USP32: variants seen among roughly 807,000 people sequenced by gnomAD.
USP32 encodes the protein ubiquitin specific peptidase 32, also known as ubiquitin carboxyl-terminal hydrolase 32.
Under a neutral mutation model 204.8 loss-of-function variants are expected in USP32, and 59 were observed. The observed-to-expected ratio is 0.29, with a 90% CI of 0.23 to 0.36. USP32 has a LOEUF of 0.36. Ranked by LOEUF, USP32 falls within the 10% of genes least tolerant of loss-of-function variation. The pLI, the probability that USP32 is intolerant of heterozygous loss-of-function variation, is 1.00. For synonymous variants in USP32, 517 were observed against 678.4 expected (o/e 0.76, Z 3.70); for missense variants, 1,160 against 1,946.4 (o/e 0.60, Z 7.60).
At chr17:60,269,741 G>T (rs1414894851) in intron 6 of USP32, among the ~76,000 whole-genome samples, 184 bp from the exon 7 acceptor site, 1 of 152,080 alleles carries the variant, frequency 6.6e-6, no homozygotes, top group African/African-American at 2.4e-5. Context: ...ATTGAAACTT[G>T]TGATCATGGC....
chr17:60,319,112 G>T (rs940900054), intron 2 of USP32, among the ~76,000 whole-genome samples: 3 of 152,200 alleles, frequency 2.0e-5, no homozygotes, highest in Non-Finnish European at 4.4e-5. Context: ...AGCATTAATG[G>T]TTAATGAGCC....
chr17:60,211,857 T>G (rs984058030), intron 19 of USP32, among the ~76,000 whole-genome samples, 167 bp downstream of exon 19: 2 of 151,868 alleles, frequency 1.3e-5, no homozygotes, highest in East Asian at 1.9e-4. Context: ...AATTTGATGG[T>G]GGGTTTGCCA....
Position 60,226,100 on chromosome 17 carries a change from T to C in USP32, c.1371A>G (p.Thr457=), listed in dbSNP as rs754659910. ...IGSSLSYVNT[T]EEKFSDNIST... is the part of the protein sequence containing the mutation. ...AAATGTTGTCTGAAAATTTCTCTTC[T>C]GTAGTATTCACGTAACTGAGGCTGC... is the stretch of plus-strand genomic sequence containing the variant. The change falls in exon 13 of 34, where the codon ACA becomes ACG. Residue 457 remains threonine (T), a synonymous_variant. Transcript: ENST00000300896. 1.9e-6 allele frequency: 3 copies of C among 1,607,756 alleles called. No homozygotes were observed. The highest frequency in any genetic ancestry group is 4.5e-5 in the East Asian group (2 of 44,546).
intron 2 of USP32, among the ~76,000 whole-genome samples, chr17:60,307,672 T>C (rs1299545291): frequency 6.6e-6 from 1 of 151,868 alleles, no homozygotes; most frequent in Non-Finnish European, 1.5e-5. Context: ...AAGTGCTGGG[T>C]AGAGAAAGGC....
chr17:60,391,918 T>C lies in USP32; in HGVS notation c.22A>G (p.Ile8Val). 1 of 1,611,190 alleles carries C rather than the reference T, an allele frequency of 6.2e-7. No homozygotes were observed. The highest frequency in any genetic ancestry group is 8.5e-7 in the Non-Finnish European group (1 of 1,178,836). The change falls in exon 1 of 34, where the codon ATC becomes GTC. Residue 8 changes from isoleucine (I) to valine (V), a missense_variant. By Grantham distance (29) the Ile-to-Val change is conservative (BLOSUM62 3). Transcript: ENST00000300896. Reference sequence around the variant, plus strand: ...GCCTCCTCGTAGCTGAGGAATCCGATCCGTGACTCCTTGGCACCCATGCTC... The same window carrying C: ...GCCTCCTCGTAGCTGAGGAATCCGACCCGTGACTCCTTGGCACCCATGCTC... MGAKESR[I>V]GFLSYEEALR... is the part of the protein sequence containing the mutation.
chr17:60,270,908 CT>C (rs2086709425), intron 6 of USP32, among the ~76,000 whole-genome samples: 1 of 151,472 alleles, frequency 6.6e-6, no homozygotes, highest in Non-Finnish European at 1.5e-5. Flanking sequence ...GTTTCTTCAT[CT>C]TTTTTTGGAG....
chr17:60,249,735 T>C (rs1371363596), intron 11 of USP32: 2 of 701,620 alleles, frequency 2.9e-6, no homozygotes, highest in East Asian at 2.7e-5. Context: ...TTGTATATAT[T>C]TGGTCAGTTT....
At position 60,183,285 on chromosome 17, in the gene USP32, G is replaced by T; in HGVS notation, c.4003C>A (p.Pro1335Thr). ...TTCACCTCCCTTGCCAGAATCCTGG[G>T]CTCAGAGAGCTCATCCCCCTGGGGT... ...LTPQGDELSE[P>T]RILAREVKKV... is the part of the protein sequence containing the mutation. Residue 1335 changes from proline (P) to threonine (T), a missense_variant, in exon 31 of 34, where the codon CCC becomes ACC. This residue lies in a region of USP32 where 244 missense variants were observed against 342.3 expected (regional missense o/e 0.71). Coordinates refer to ENST00000300896, the MANE Select transcript of USP32 (RefSeq NM_032582.4). 6.2e-7 allele frequency: 1 copy of T among 1,613,962 alleles called. No homozygotes were observed. The highest frequency in any genetic ancestry group is 8.5e-7 in the Non-Finnish European group (1 of 1,179,870).
intron 26 of USP32, among the ~76,000 whole-genome samples, chr17:60,199,885 T>C (rs2084629404): frequency 6.6e-6 from 1 of 152,132 alleles, no homozygotes; most frequent in Non-Finnish European, 1.5e-5. Context: ...TACTCCTAGT[T>C]ATTAACATGG....
intron 2 of USP32, among the ~76,000 whole-genome samples, chr17:60,303,895 G>A (rs1465435375): frequency 2.0e-5 from 3 of 152,060 alleles, no homozygotes; most frequent in Non-Finnish European, 4.4e-5. Flanking sequence ...GCAGGGGAAG[G>A]TAGACAGAAC....
intron 3 of USP32, among the ~76,000 whole-genome samples, chr17:60,295,539 C>T (rs188111072): frequency 4.7e-4 from 71 of 152,280 alleles, no homozygotes; most frequent in African/African-American, 1.5e-3. Flanking sequence ...TTCTGAGTAA[C>T]GTGATAAAAT....
chr17:60,419,745 A>G (rs2143129223), intron 1 of USP32, among the ~76,000 whole-genome samples: 1 of 151,026 alleles, frequency 6.6e-6, no homozygotes, highest in South Asian at 2.1e-4. Flanking sequence ...AAAAAAAAAA[A>G]AAATTCTGTG....
rs2086265502 is a variant in USP32 at position 60,255,237 on chromosome 17, C to T, written c.1012G>A (p.Asp338Asn). The change falls in exon 10 of 34, where the codon GAC becomes AAC. Residue 338 changes from aspartate to asparagine, a missense_variant. Asp to Asn is a conservative substitution (Grantham distance 23). This residue lies in a region of USP32 where 536 missense variants were observed against 680.9 expected (regional missense o/e 0.79). Transcript: ENST00000300896. Reference sequence around the variant, plus strand: ...TTTTTCACACTCCAGATCTGATAGTCTTCCAGAGTAAGATGACCCATCTGA... The same window carrying T: ...TTTTTCACACTCCAGATCTGATAGTTTTCCAGAGTAAGATGACCCATCTGA... The part of the protein sequence containing the change: ...TTKMGHLTLE[D>N]YQIWSVKNVL... 6.2e-7 allele frequency: 1 copy of T among 1,610,984 alleles called. No individual in the cohort carries two copies. Among genetic ancestry groups the T allele is most frequent in the Non-Finnish European group, 8.5e-7 (1 of 1,179,160 alleles).
chr17:60,364,899 C>A (rs2089283057), intron 1 of USP32, among the ~76,000 whole-genome samples: 1 of 151,998 alleles, frequency 6.6e-6, no homozygotes, highest in Admixed American at 6.6e-5. Context: ...TATTTTAGAC[C>A]CAAATTTTAT....
intron 1 of USP32, among the ~76,000 whole-genome samples, chr17:60,370,322 G>A (rs1220121963): frequency 1.3e-5 from 2 of 152,000 alleles, no homozygotes; most frequent in Non-Finnish European, 2.9e-5. Flanking sequence ...AAATGGGAAA[G>A]GTTCTACTTT....
chr17:60,301,458 C>T, intron 3 of USP32, 141 bp downstream of exon 3: 2 of 523,826 alleles, frequency 3.8e-6, no homozygotes, highest in Non-Finnish European at 6.6e-6. Context: ...AATTATGTTG[C>T]ACATTTTTTA....
In USP32 at chr17:60,209,556, G is replaced by C; in HGVS notation, c.2425-13C>G. 2 of 1,552,298 alleles carry C rather than the reference G, an allele frequency of 1.3e-6. No individual in the cohort carries two copies. Among genetic ancestry groups the C allele is most frequent in the Non-Finnish European group, 8.6e-7 (1 of 1,159,276 alleles). On this transcript the variant is annotated splice_polypyrimidine_tract_variant and intron_variant, in intron 21 of 33. Transcript: ENST00000300896. ...TTGCTATGGTCCACTATAAATATAA[G>C]AGAAGTCACAGTCATTATTTCCTAC...
At chr17:60,416,573 G>A (rs1261244928) in intron 1 of USP32, among the ~76,000 whole-genome samples, 1 of 152,096 alleles carries the variant, frequency 6.6e-6, no homozygotes, top group African/African-American at 2.4e-5. Flanking sequence ...GCCGACCAAT[G>A]GAATTTTGAA....
intron 11 of USP32, among the ~76,000 whole-genome samples, chr17:60,250,022 T>TA (rs996138407): frequency 7.2e-5 from 11 of 151,748 alleles, no homozygotes; most frequent in Non-Finnish European, 1.5e-4. Flanking sequence ...AAACAAATTT[T>TA]AAAAAAAACC....
Sources: gnomAD v4.1 joint callset for allele counts (sites outside exome capture counted in the v4.1 genomes callset) on GRCh38, gnomAD v4.1.1 for gene constraint, gnomAD v4.1.1 regional missense constraint, MANE v1.5 for transcripts, NCBI Gene and HGNC (gene_info 2026-07-23, HGNC 2026-07-21) for gene names.